Variants in VWA2 observed in about 807,000 individuals in gnomAD.
The protein encoded by VWA2 is von Willebrand factor A domain containing 2.
A neutral mutation model predicts 70.4 loss-of-function variants in VWA2; 73 were observed. The ratio of observed to expected loss-of-function variants is 1.04; its 90% CI spans 0.86 to 1.26. The LOEUF is 1.26. Ranked by LOEUF, VWA2 falls within the 50% of genes most tolerant of loss-of-function variation. VWA2 has a pLI of 0.00. For synonymous variants in VWA2, 407 were observed against 423.3 expected (o/e 0.96, Z 0.47); for missense variants, 1,011 against 998.5 (o/e 1.01, Z -0.17).
intron 1 of VWA2, chr10:114,246,720 A>G: frequency 6.5e-7 from 1 of 1,531,964 alleles, no homozygotes; most frequent in Non-Finnish European, 9.0e-7. Context: ...AGTCTTAGGA[A>G]TCGTGCAGGG....
At chr10:114,241,533 G>A (rs1311608173) in intron 1 of VWA2, among the ~76,000 whole-genome samples, 2 of 152,120 alleles carry the variant, frequency 1.3e-5, no homozygotes, top group Admixed American at 1.3e-4. Context: ...TTTTTAATGA[G>A]CATCATAAAA....
chr10:114,275,627 A>T (rs1164098148), intron 6 of VWA2, among the ~76,000 whole-genome samples: 4 of 152,140 alleles, frequency 2.6e-5, no homozygotes, highest in South Asian at 4.1e-4. Flanking sequence ...ATAACTTTTT[A>T]AAAATACAAT....
chr10:114,246,705 C>T (rs2037080452), intron 1 of VWA2: 8 of 1,549,144 alleles, frequency 5.2e-6, no homozygotes, highest in African/African-American at 1.4e-5. Context: ...AATCAACTAG[C>T]AAACAGTCTT....
At chr10:114,276,371 A>G (rs1164626530) in intron 6 of VWA2, among the ~76,000 whole-genome samples, 4 of 152,276 alleles carry the variant, frequency 2.6e-5, no homozygotes, top group Non-Finnish European at 1.5e-5. Flanking sequence ...ACTCAGAGTC[A>G]GAGAGCCTTG....
chr10:114,282,134 G>A lies in VWA2; in HGVS notation c.834-382G>A, dbSNP rs191844207. On this transcript the variant is annotated intron_variant, in intron 8 of 13. Transcript: ENST00000392982. ...AAGCATTTCTGCCTCAGCCTGCTAA[G>A]CTGGGATTACAGGCACATGCCACCA... Among the ~76,000 whole-genome samples the A allele has an allele frequency of 3.6e-3, 550 of 152,108 alleles. 2 individuals carry two copies. The highest frequency in any genetic ancestry group is 0.012 in the African/African-American group (508 of 41,488).
At chr10:114,272,502 A>G (rs2037732349) in intron 5 of VWA2, among the ~76,000 whole-genome samples, 1 of 152,176 alleles carries the variant, frequency 6.6e-6, no homozygotes, top group South Asian at 2.1e-4. Context: ...CCAACACACA[A>G]TGACATTATG....
In VWA2 at chr10:114,289,206, C is replaced by T. The variant is rs1194087471; in HGVS notation, c.1839C>T (p.Ala613=). Residue 613 remains alanine, a synonymous_variant, in exon 12 of 14, where the codon GCC becomes GCT. Coordinates refer to ENST00000392982, the MANE Select transcript of VWA2 (RefSeq NM_001272046.2). ...YLGGVGSAGT[A]LLHIYDKVMT... ...GTGGGGTGGGCTCAGCCGGCACCGCCCTGCTGCACATCTATGACAAAGTGA... is the reference window on the plus strand; with the variant it reads ...GTGGGGTGGGCTCAGCCGGCACCGCTCTGCTGCACATCTATGACAAAGTGA... 1.2e-6 allele frequency: 2 copies of T among 1,613,544 alleles called. No individual in the cohort carries two copies. The highest frequency in any genetic ancestry group is 8.5e-7 in the Non-Finnish European group (1 of 1,179,832).
intron 10 of VWA2, among the ~76,000 whole-genome samples, chr10:114,285,203 C>A (rs2038715611): frequency 6.6e-6 from 1 of 152,206 alleles, no homozygotes; most frequent in Non-Finnish European, 1.5e-5. Context: ...TTATTAGCTG[C>A]AGAATGGTCA....
At chr10:114,289,575 A>G (rs367754118) in intron 12 of VWA2, 86 bp downstream of exon 12, 3 of 1,466,226 alleles carry the variant, frequency 2.0e-6, no homozygotes, top group Non-Finnish European at 2.8e-6. Flanking sequence ...CGAGGATGGC[A>G]GCTCTTCCCA....
At chr10:114,261,137 G>A in intron 4 of VWA2, 49 bp from the exon 5 acceptor site, 1 of 1,401,804 alleles carries the variant, frequency 7.1e-7, no homozygotes, top group Non-Finnish European at 1.0e-6. Flanking sequence ...TCTTAGGAAT[G>A]TTTTTGACTC....
At chr10:114,289,923 T>C (rs1395106780) in intron 12 of VWA2, 3 of 292,458 alleles carry the variant, frequency 1.0e-5, no homozygotes, top group Non-Finnish European at 1.9e-5. Flanking sequence ...ACCCGGGAGG[T>C]GGAGGTTGTG....
chr10:114,242,716 C>T (rs1408173655), intron 1 of VWA2, among the ~76,000 whole-genome samples: 2 of 152,094 alleles, frequency 1.3e-5, no homozygotes, highest in African/African-American at 4.8e-5. Context: ...CCTTGGGTCT[C>T]GTCTTCTCCA....
chr10:114,262,763 G>T (rs578030528), intron 5 of VWA2, among the ~76,000 whole-genome samples: 2 of 152,108 alleles, frequency 1.3e-5, no homozygotes, highest in African/African-American at 4.8e-5. Context: ...CTCTGCCGTC[G>T]AACAGATCAA....
At chr10:114,251,269 C>T (rs1462764307) in intron 2 of VWA2, among the ~76,000 whole-genome samples, 1 of 152,236 alleles carries the variant, frequency 6.6e-6, no homozygotes, top group Non-Finnish European at 1.5e-5. Flanking sequence ...GAAGCAGCTG[C>T]CTGTTCAGGG....
At chr10:114,262,188 AAT>A (rs957667118) in intron 5 of VWA2, among the ~76,000 whole-genome samples, 3 of 151,796 alleles carry the variant, frequency 2.0e-5, no homozygotes, top group African/African-American at 7.3e-5. Flanking sequence ...TCGCCCTCTA[AAT>A]ATATATATAG....
intron 8 of VWA2, among the ~76,000 whole-genome samples, chr10:114,280,383 G>A (rs1228944546): frequency 1.3e-5 from 2 of 152,166 alleles, no homozygotes; most frequent in African/African-American, 4.8e-5. Flanking sequence ...AAACTGTTCA[G>A]TGGTAGCAGG....
At chr10:114,243,500 C>T (rs1457974018) in intron 1 of VWA2, among the ~76,000 whole-genome samples, 1 of 152,164 alleles carries the variant, frequency 6.6e-6, no homozygotes, top group African/African-American at 2.4e-5. Context: ...GATATTTTTA[C>T]CTCTGATTTT....
At chr10:114,282,597 G>C in intron 9 of VWA2, 26 bp downstream of exon 9, 8 of 1,606,148 alleles carry the variant, frequency 5.0e-6, no homozygotes, top group Non-Finnish European at 6.0e-6. Flanking sequence ...TGGATTTACA[G>C]GTTCTTTCAG....
At chr10:114,290,513 G>T in intron 13 of VWA2, 148 bp downstream of exon 13, 1 of 1,106,256 alleles carries the variant, frequency 9.0e-7, no homozygotes, top group Non-Finnish European at 1.3e-6. Context: ...CATTTAGTGA[G>T]TACCTCCTGC....
Sources: gnomAD v4.1 joint callset for allele counts (sites outside exome capture counted in the v4.1 genomes callset) on GRCh38, gnomAD v4.1.1 for gene constraint, MANE v1.5 for transcripts, NCBI Gene and HGNC (gene_info 2026-07-23, HGNC 2026-07-21) for gene names.